Variants in LRMDA observed in about 807,000 individuals in gnomAD.
The protein encoded by LRMDA is leucine rich melanocyte differentiation associated, also known as leucine-rich melanocyte differentiation-associated protein.
Under a neutral mutation model 29.8 loss-of-function variants are expected in LRMDA, and 18 were observed. The ratio of observed to expected loss-of-function variants is 0.60; its 90% CI spans 0.42 to 0.90. The LOEUF (loss-of-function observed/expected upper bound fraction) is 0.90. Ranked by LOEUF, LRMDA falls within the 40% of genes least tolerant of loss-of-function variation. The pLI, the probability that LRMDA is intolerant of heterozygous loss-of-function variation, is 0.00. For missense variants in LRMDA, 273 were observed against 273.9 expected, an observed-to-expected ratio of 1.00 and a Z score of 0.02; for synonymous variants, 125 against 109.4, an observed-to-expected ratio of 1.14 and a Z score of -0.89.
At position 75,827,545 on chromosome 10, in the gene LRMDA, A is replaced by G. The variant is rs12245452; in HGVS notation, c.132-208463A>G. ...CTCCTCATCACAAGTTTTATGAAATAGTGGAGGACAACAGAAACCTCTTCC... is the reference window on the plus strand; with the variant it reads ...CTCCTCATCACAAGTTTTATGAAATGGTGGAGGACAACAGAAACCTCTTCC... On this transcript the variant is annotated intron_variant, in intron 2 of 6. Coordinates refer to ENST00000611255, the MANE Select transcript of LRMDA (RefSeq NM_001305581.2). 6.6e-3 allele frequency among the ~76,000 whole-genome samples: 1,004 copies of G among 152,304 alleles called. 18 individuals carry two copies. The highest frequency in any genetic ancestry group is 0.023 in the African/African-American group (967 of 41,562).
At chr10:75,738,166 C>T (rs1018092409) in intron 2 of LRMDA, among the ~76,000 whole-genome samples, 1 of 149,104 alleles carries the variant, frequency 6.7e-6, no homozygotes, top group Admixed American at 6.7e-5. Flanking sequence ...ATTCTTCCTC[C>T]TTTTTTTTTT....
chr10:75,845,431 C>T (rs985795389), intron 2 of LRMDA, among the ~76,000 whole-genome samples: 2 of 152,174 alleles, frequency 1.3e-5, no homozygotes, highest in African/African-American at 4.8e-5. Context: ...CCAGCTTTTG[C>T]CTGGCTGTCA....
chr10:75,871,105 T>C (rs1420277274), intron 2 of LRMDA, among the ~76,000 whole-genome samples: 1 of 152,150 alleles, frequency 6.6e-6, no homozygotes. Flanking sequence ...GGCTAGCCAA[T>C]GACCATTTCC....
chr10:75,473,094 G>A (rs1422821483), intron 2 of LRMDA, among the ~76,000 whole-genome samples: 1 of 152,250 alleles, frequency 6.6e-6, no homozygotes, highest in African/African-American at 2.4e-5. Context: ...GACCAGGAGA[G>A]AGAGCTGTTT....
intron 2 of LRMDA, among the ~76,000 whole-genome samples, chr10:75,939,023 T>C (rs974069021): frequency 6.6e-6 from 1 of 152,198 alleles, no homozygotes; most frequent in East Asian, 1.9e-4. Flanking sequence ...GCGCTCGGCA[T>C]GAAATCCCAG....
intron 2 of LRMDA, among the ~76,000 whole-genome samples, chr10:75,457,830 T>C (rs533105977): frequency 1.2e-4 from 19 of 152,344 alleles, no homozygotes; most frequent in African/African-American, 4.6e-4. Flanking sequence ...GTGATTTGAA[T>C]GCAAATGCAC....
At chr10:75,659,563 C>G (rs948396170) in intron 2 of LRMDA, among the ~76,000 whole-genome samples, 1 of 152,192 alleles carries the variant, frequency 6.6e-6, no homozygotes, top group South Asian at 2.1e-4. Flanking sequence ...ACTGTATTAT[C>G]TCACTTATAT....
chr10:76,186,460 T>C (rs1285728760), intron 5 of LRMDA, among the ~76,000 whole-genome samples: 1 of 152,192 alleles, frequency 6.6e-6, no homozygotes, highest in Non-Finnish European at 1.5e-5. Context: ...TTACTTAGGC[T>C]ATATAGAAGG....
chr10:76,384,020 T>C (rs1435148697), intron 6 of LRMDA, among the ~76,000 whole-genome samples: 2 of 151,952 alleles, frequency 1.3e-5, no homozygotes, highest in African/African-American at 4.8e-5. Flanking sequence ...CTCTCCCCCT[T>C]TCCATCCCAC....
intron 2 of LRMDA, among the ~76,000 whole-genome samples, chr10:75,911,355 C>A (rs1845840604): frequency 6.6e-6 from 1 of 152,102 alleles, no homozygotes; most frequent in African/African-American, 2.4e-5. Flanking sequence ...CACAGAAGAT[C>A]CCCTAATGTA....
intron 6 of LRMDA, among the ~76,000 whole-genome samples, chr10:76,446,019 A>G (rs1842350801): frequency 6.6e-6 from 1 of 152,150 alleles, no homozygotes; most frequent in South Asian, 2.1e-4. Context: ...AAATATTGTC[A>G]TGCATTTGGT....
At position 75,678,702 on chromosome 10, in the gene LRMDA, G is replaced by A. The variant is rs1219392104; in HGVS notation, c.131+240208G>A. 5.9e-5 allele frequency among the ~76,000 whole-genome samples: 9 copies of A among 152,124 alleles called. 1 individual carries two copies. The South Asian group carries it at 1.7e-3, about 28-fold the overall frequency. Reference sequence around the variant, plus strand: ...TGACAGCTGCATAAGTCTTTGTAAAGCATTCATAACATGACAGATATTACA... The same window carrying A: ...TGACAGCTGCATAAGTCTTTGTAAAACATTCATAACATGACAGATATTACA... On this transcript the variant is annotated intron_variant, in intron 2 of 6. Transcript: ENST00000611255.
At chr10:76,439,352 C>G (rs1440975777) in intron 6 of LRMDA, among the ~76,000 whole-genome samples, 2 of 152,096 alleles carry the variant, frequency 1.3e-5, no homozygotes, top group Admixed American at 6.6e-5. Context: ...CCTAATATTG[C>G]CATTAGTTTT....
intron 6 of LRMDA, among the ~76,000 whole-genome samples, chr10:76,416,693 C>A (rs186971363): frequency 8.6e-4 from 131 of 152,302 alleles, no homozygotes; most frequent in African/African-American, 3.1e-3. Flanking sequence ...CAGAATTTGA[C>A]AATCCATGAA....
intron 6 of LRMDA, among the ~76,000 whole-genome samples, chr10:76,423,128 C>T (rs1169266667): frequency 2.6e-5 from 4 of 152,228 alleles, no homozygotes; most frequent in Admixed American, 1.3e-4. Flanking sequence ...GGCGTAGTGG[C>T]ACATGCCTGT....
chr10:76,355,229 C>T (rs978130362), intron 6 of LRMDA, among the ~76,000 whole-genome samples: 6 of 152,010 alleles, frequency 3.9e-5, no homozygotes, highest in Non-Finnish European at 7.4e-5. Context: ...TGACTAGAAT[C>T]GGGAATAAGT....
chr10:75,669,285 A>G (rs1841862931), intron 2 of LRMDA, among the ~76,000 whole-genome samples: 2 of 152,164 alleles, frequency 1.3e-5, no homozygotes, highest in South Asian at 4.1e-4. Context: ...ATTTTCTCAA[A>G]GGATAGACCA....
At chr10:76,507,088 A>G (rs1842966530) in intron 6 of LRMDA, among the ~76,000 whole-genome samples, 1 of 151,956 alleles carries the variant, frequency 6.6e-6, no homozygotes. Context: ...CTTTCTCTGC[A>G]TCTTTACCAG....
At chr10:75,886,714 A>G (rs1845397641) in intron 2 of LRMDA, among the ~76,000 whole-genome samples, 1 of 152,190 alleles carries the variant, frequency 6.6e-6, no homozygotes, top group Admixed American at 6.5e-5. Context: ...TAATCAAATA[A>G]GCTAATTAAG....
Sources: gnomAD v4.1 joint callset for allele counts (sites outside exome capture counted in the v4.1 genomes callset) on GRCh38, gnomAD v4.1.1 for gene constraint, MANE v1.5 for transcripts, NCBI Gene and HGNC (gene_info 2026-07-23, HGNC 2026-07-21) for gene names.